DIS3L2: variants seen among roughly 807,000 people sequenced by gnomAD.
DIS3L2 encodes the protein DIS3 like 3'-5' exoribonuclease 2, also known as DIS3-like exonuclease 2.
A neutral mutation model predicts 97.5 loss-of-function variants in DIS3L2; 34 were observed. The observed-to-expected ratio is 0.35, with a 90% CI of 0.27 to 0.46. The LOEUF is 0.46. Ranked by LOEUF, DIS3L2 falls within the 20% of genes least tolerant of loss-of-function variation. The pLI is 1.00. For synonymous variants in DIS3L2, 435 were observed against 445.2 expected (o/e 0.98, Z 0.29); for missense variants, 1,038 against 1,146.0 (o/e 0.91, Z 1.36).
chr2:232,061,442 G>C (rs149780581), intron 5 of DIS3L2, among the ~76,000 whole-genome samples: 1 of 152,200 alleles, frequency 6.6e-6, no homozygotes, highest in East Asian at 1.9e-4. Flanking sequence ...TCTTTGGGCA[G>C]GTCTTAGCTT....
chr2:232,097,358 C>G (rs908793099), intron 6 of DIS3L2, among the ~76,000 whole-genome samples: 5 of 152,180 alleles, frequency 3.3e-5, no homozygotes, highest in African/African-American at 1.2e-4. Flanking sequence ...TGTGTTGGAT[C>G]AGACCTGAAG....
intron 6 of DIS3L2, among the ~76,000 whole-genome samples, chr2:232,118,962 T>G (rs1215769838): frequency 6.6e-6 from 1 of 152,256 alleles, no homozygotes; most frequent in Non-Finnish European, 1.5e-5. Context: ...CTATCTAGCT[T>G]CTTTTCCCTT....
rs758837060 is a variant in DIS3L2 at position 232,334,443 on chromosome 2, G to A, written c.2233G>A (p.Ala745Thr). ...QADHCNDRRM[A>T]SKRVQELSTS... ...GGACCACTGTAACGACCGCCGCATGGCGTCCAAGCGCGTGCAGGAGCTCAG... is the reference window on the plus strand; with the variant it reads ...GGACCACTGTAACGACCGCCGCATGACGTCCAAGCGCGTGCAGGAGCTCAG... The change falls in exon 18 of 21, where the codon GCG becomes ACG. Residue 745 changes from alanine (A) to threonine (T), a missense_variant. Physicochemically the swap from Ala to Thr is moderately conservative, Grantham distance 58. Transcript: ENST00000325385. The A allele has an allele frequency of 9.3e-6, 15 of 1,613,798 alleles. No individual in the cohort carries two copies. Among genetic ancestry groups the A allele is most frequent in the Middle Eastern group, 1.6e-4 (1 of 6,084 alleles).
At chr2:232,002,994 G>A (rs1369479995) in intron 1 of DIS3L2, among the ~76,000 whole-genome samples, 4 of 152,146 alleles carry the variant, frequency 2.6e-5, no homozygotes, top group African/African-American at 4.8e-5. Flanking sequence ...ACTCAATCAA[G>A]TTATTGGAGG....
chr2:232,330,804 C>T (rs143059632), intron 16 of DIS3L2, 28 bp downstream of exon 16: 1 of 1,601,326 alleles, frequency 6.2e-7, no homozygotes, highest in East Asian at 2.2e-5. Context: ...CCGGCCTCCC[C>T]TGCTCCCAGG....
chr2:232,050,691 T>G (rs1183336949), intron 5 of DIS3L2, among the ~76,000 whole-genome samples: 1 of 152,238 alleles, frequency 6.6e-6, no homozygotes, highest in African/African-American at 2.4e-5. Context: ...ATTTGGAGGA[T>G]TTCCACCATC....
At chr2:232,117,604 C>G (rs1226634940) in intron 6 of DIS3L2, among the ~76,000 whole-genome samples, 1 of 152,190 alleles carries the variant, frequency 6.6e-6, no homozygotes, top group Non-Finnish European at 1.5e-5. Context: ...TAATGACTCT[C>G]TGGCTCCCCT....
chr2:232,064,998 A>G (rs558165917), intron 5 of DIS3L2, among the ~76,000 whole-genome samples: 5 of 152,264 alleles, frequency 3.3e-5, no homozygotes, highest in African/African-American at 1.2e-4. Context: ...GGTGAAATCC[A>G]ATTTATCAAA....
intron 6 of DIS3L2, among the ~76,000 whole-genome samples, chr2:232,125,950 A>G (rs1255967321): frequency 1.3e-5 from 2 of 152,234 alleles, no homozygotes; most frequent in African/African-American, 4.8e-5. Context: ...ATTTTCATTT[A>G]CAAATACATA....
chr2:232,157,265 G>C (rs899418628), intron 8 of DIS3L2, among the ~76,000 whole-genome samples: 4 of 152,106 alleles, frequency 2.6e-5, no homozygotes, highest in African/African-American at 4.8e-5. Flanking sequence ...TTTTATGTGT[G>C]GGTCTTAAGT....
chr2:231,963,057 C>G (rs1246477423), intron 1 of DIS3L2, among the ~76,000 whole-genome samples: 1 of 152,024 alleles, frequency 6.6e-6, no homozygotes, highest in South Asian at 2.1e-4. Context: ...CTGCATATGT[C>G]TTTTTGGTAT....
At chr2:232,271,423 CT>C (rs1456956292) in intron 13 of DIS3L2, among the ~76,000 whole-genome samples, 2 of 152,174 alleles carry the variant, frequency 1.3e-5, no homozygotes, top group Non-Finnish European at 2.9e-5. Context: ...ATAATCTGTG[CT>C]CCCATAAGAA....
At chr2:232,225,108 G>A (rs1468829924) in intron 10 of DIS3L2, among the ~76,000 whole-genome samples, 1 of 152,162 alleles carries the variant, frequency 6.6e-6, no homozygotes, top group Non-Finnish European at 1.5e-5. Context: ...GTTAGGGAGG[G>A]TGTGGAGCAA....
chr2:232,261,477 G>A (rs1693710106), intron 12 of DIS3L2, among the ~76,000 whole-genome samples: 1 of 152,120 alleles, frequency 6.6e-6, no homozygotes, highest in Non-Finnish European at 1.5e-5. Context: ...TGCTTCCCAG[G>A]TTTTTTCATG....
At chr2:232,245,474 A>G (rs1462381282) in intron 11 of DIS3L2, among the ~76,000 whole-genome samples, 1 of 152,360 alleles carries the variant, frequency 6.6e-6, no homozygotes, top group East Asian at 1.9e-4. Context: ...AGAGGCTGTG[A>G]TGTGCCAAAC....
chr2:232,330,094 A>G (rs1489148996), intron 15 of DIS3L2, 98 bp downstream of exon 15: 1 of 1,411,224 alleles, frequency 7.1e-7, no homozygotes, highest in Admixed American at 2.4e-5. Flanking sequence ...TTCCCCCCAG[A>G]GTCCCTCCCC....
At chr2:231,988,545 A>G (rs1010141631) in intron 1 of DIS3L2, among the ~76,000 whole-genome samples, 22 of 152,206 alleles carry the variant, frequency 1.4e-4, no homozygotes, top group African/African-American at 5.1e-4. Context: ...GAATAACACT[A>G]GACTTCTCCG....
chr2:232,112,439 G>A (rs943513521), intron 6 of DIS3L2, among the ~76,000 whole-genome samples: 3 of 152,182 alleles, frequency 2.0e-5, no homozygotes, highest in African/African-American at 7.2e-5. Context: ...GTCTTCGGGT[G>A]CACTTAGTCC....
Position 232,334,482 on chromosome 2 carries a change from T to C in DIS3L2, c.2272T>C (p.Phe758Leu). Reference sequence around the variant, plus strand: ...GCAGGAGCTCAGTACCAGTCTCTTCTTTGCTGTTCTGGTCAAGGTGAGCCC... The same window carrying C: ...GCAGGAGCTCAGTACCAGTCTCTTCCTTGCTGTTCTGGTCAAGGTGAGCCC... Reference protein sequence around the residue: ...RVQELSTSLFFAVLVKESGPL... With the variant: ...RVQELSTSLFLAVLVKESGPL... The change falls in exon 18 of 21, where the codon TTT becomes CTT. Residue 758 changes from phenylalanine to leucine, a missense_variant. By Grantham distance (22) the Phe-to-Leu change is conservative. Coordinates refer to ENST00000325385, the MANE Select transcript of DIS3L2 (RefSeq NM_152383.5). 1 of 1,613,898 alleles carries C rather than the reference T, an allele frequency of 6.2e-7. No individual in the cohort carries two copies. The highest frequency in any genetic ancestry group is 2.2e-5 in the East Asian group (1 of 44,872).
Sources: allele counts gnomAD v4.1 joint callset (sites outside exome capture counted in the v4.1 genomes callset), GRCh38; gene constraint gnomAD v4.1.1; transcripts MANE v1.5; gene names NCBI Gene and HGNC (gene_info 2026-07-23, HGNC 2026-07-21).